Variants in SETDB1 observed in about 807,000 individuals in gnomAD.
The protein encoded by SETDB1 is histone-lysine N-methyltransferase SETDB1.
In SETDB1, 31 loss-of-function variants were observed where a neutral mutation model predicts 137.4. That is an observed-to-expected ratio of 0.23 (90% CI 0.17 to 0.30). The LOEUF (loss-of-function observed/expected upper bound fraction) is 0.30, where lower values mean the gene tolerates loss of function less well. SETDB1 is among the 10% of genes least tolerant of loss of function. The pLI is 1.00. For synonymous variants in SETDB1, 548 were observed against 579.9 expected (o/e 0.95, Z 0.79); for missense variants, 1,113 against 1,631.5 (o/e 0.68, Z 5.47).
At chr1:150,962,478 A>AGTGCCTGTCTTTTTGACCT in intron 17 of SETDB1, 109 bp from the exon 18 acceptor site, 1 of 1,056,724 alleles carries the variant, frequency 9.5e-7, no homozygotes, top group South Asian at 1.4e-5. Flanking sequence ...TGTCCAGCCC[A>AGTGCCTGTCTTTTTGACCT]GTGCCTGTCT....
intron 19 of SETDB1, 191 bp from the exon 20 acceptor site, chr1:150,963,339 T>C: frequency 1.4e-6 from 1 of 724,480 alleles, no homozygotes; most frequent in South Asian, 1.9e-5. Context: ...CTCTTTCCCC[T>C]CAGCTCCTTT....
intron 3 of SETDB1, among the ~76,000 whole-genome samples, chr1:150,936,783 A>G (rs1451760805): frequency 2.0e-5 from 3 of 152,088 alleles, no homozygotes; most frequent in Admixed American, 6.6e-5. Context: ...CCTCCCAAGT[A>G]GCTGAGACTA....
intron 14 of SETDB1, among the ~76,000 whole-genome samples, chr1:150,953,217 C>A (rs1410092035): frequency 6.6e-6 from 1 of 152,022 alleles, no homozygotes; most frequent in East Asian, 1.9e-4. Context: ...CATAGTAAGA[C>A]CCTGTGTCTA....
chr1:150,959,299 C>T lies in SETDB1; in HGVS notation c.2455C>T (p.Arg819Cys). 3.7e-6 allele frequency: 6 copies of T among 1,608,688 alleles called. No individual in the cohort carries two copies. Among genetic ancestry groups the T allele is most frequent in the Non-Finnish European group, 3.4e-6 (4 of 1,178,208 alleles). ...FKTQNKGWGIRCLDDIAKGSF... is the reference protein window; with the variant it reads ...FKTQNKGWGICCLDDIAKGSF... ...GACACAGAACAAGGGCTGGGGTATC[C>T]GCTGCTTGGATGACATTGCCAAAGG... The change falls in exon 15 of 22, where the codon CGC becomes TGC. Residue 819 changes from arginine (R) to cysteine (C), a missense_variant. Around this residue, in one of 11 missense-constraint regions of SETDB1, gnomAD observed 25 missense variants for 102.1 expected, o/e 0.24. Coordinates refer to ENST00000692827, the MANE Select transcript of SETDB1 (RefSeq NM_001366418.1).
rs1374886742 is a variant in SETDB1, at chr1:150,943,008, A to G, written c.830A>G (p.Tyr277Cys). The G allele has an allele frequency of 1.2e-6, 2 of 1,614,024 alleles. No homozygotes were observed. The highest frequency in any genetic ancestry group is 1.7e-6 in the Non-Finnish European group (2 of 1,180,022). The change falls in exon 7 of 22, where the codon TAT becomes TGT. Residue 277 changes from tyrosine (Y) to cysteine (C), a missense_variant. Around this residue, in one of 11 missense-constraint regions of SETDB1, gnomAD observed 154 missense variants for 303.1 expected, o/e 0.51. Coordinates refer to ENST00000692827, the MANE Select transcript of SETDB1 (RefSeq NM_001366418.1). Reference sequence around the variant, plus strand: ...AAAGATGGGAATCAGGTCTGGCTCTATGCTGGCATTGTAGCTGAGACACCA... The same window carrying G: ...AAAGATGGGAATCAGGTCTGGCTCTGTGCTGGCATTGTAGCTGAGACACCA... ...KYKDGNQVWL[Y>C]AGIVAETPNV...
At position 150,964,275 on chromosome 1, in the gene SETDB1, T is replaced by G. The variant is rs1558029415; in HGVS notation, c.3790T>G (p.Trp1264Gly). 6.2e-7 allele frequency: 1 copy of G among 1,614,136 alleles called. No homozygotes were observed. The highest frequency in any genetic ancestry group is 8.5e-7 in the Non-Finnish European group (1 of 1,179,992). Residue 1264 changes from tryptophan to glycine, a missense_variant, in exon 22 of 22, where the codon TGG becomes GGG. Coordinates refer to ENST00000692827, the MANE Select transcript of SETDB1 (RefSeq NM_001366418.1). The part of the protein sequence containing the change: ...KRIRAGTELT[W>G]DYNYEVGSVE... ...AATCCGGGCTGGGACAGAACTTACT[T>G]GGGACTACAACTACGAGGTGGGCAG...
At chr1:150,962,253 CCCCCT>C (rs1670845959) in intron 17 of SETDB1, 95 bp downstream of exon 17, 5 of 1,107,410 alleles carry the variant, frequency 4.5e-6, no homozygotes, top group Non-Finnish European at 6.9e-6. Flanking sequence ...ATTGCAACCT[CCCCCT>C]CCCAGGCTCA....
At chr1:150,936,210 C>T (rs1669941636) in intron 3 of SETDB1, among the ~76,000 whole-genome samples, 2 of 152,068 alleles carry the variant, frequency 1.3e-5, no homozygotes, top group South Asian at 2.1e-4. Flanking sequence ...AGGATGGTCT[C>T]GATCTCCTGA....
intron 3 of SETDB1, among the ~76,000 whole-genome samples, chr1:150,934,479 T>A (rs910220891): frequency 1.3e-4 from 19 of 151,722 alleles, no homozygotes; most frequent in African/African-American, 2.4e-4. Flanking sequence ...TCTCAAAAAA[T>A]ATATATATAT....
chr1:150,941,331 C>A lies in SETDB1; in HGVS notation c.450C>A (p.Leu150=). The change falls in exon 5 of 22, where the codon CTC becomes CTA. Residue 150 remains leucine (L), a splice_region_variant and synonymous_variant. Transcript: ENST00000692827. ...AGSRTPKDQK[L]REAMAALRKS... ...TTTCCTCATCCCCTTTTCTACAGCT[C>A]CGTGAAGCTATGGCTGCCTTAAGAA... 6.2e-7 allele frequency: 1 copy of A among 1,605,744 alleles called. No homozygotes were observed. The highest frequency in any genetic ancestry group is 8.5e-7 in the Non-Finnish European group (1 of 1,172,658).
rs763412904 is a variant in SETDB1, at chr1:150,945,157, A to T, written c.1140+49A>T. On this transcript the variant is annotated intron_variant, in intron 9 of 21. Transcript: ENST00000692827. ...GGAGGCAGAGGTTGGTGGGGGGGGA[A>T]CTTAAGAAGCAGTAATGAGGATGGT... is the stretch of plus-strand genomic sequence containing the variant. 16 of 1,609,928 alleles carry T rather than the reference A, an allele frequency of 9.9e-6. No homozygotes were observed. The East Asian group carries it at 1.3e-4, about 13-fold the overall frequency.
At chr1:150,942,138 T>C (rs1571638357) in intron 5 of SETDB1, among the ~76,000 whole-genome samples, 4 of 112,694 alleles carry the variant, frequency 3.5e-5, no homozygotes, top group East Asian at 4.8e-4. Flanking sequence ...AGACTCCATC[T>C]CAAAAAAAAA....
intron 14 of SETDB1, among the ~76,000 whole-genome samples, chr1:150,956,115 C>T (rs1306051140): frequency 1.3e-5 from 2 of 148,852 alleles, no homozygotes; most frequent in African/African-American, 2.5e-5. Flanking sequence ...AAGCCAAGCG[C>T]AGTGGCTCAC....
At position 150,930,138 on chromosome 1, in the gene SETDB1, TAGG is replaced by T; in HGVS notation, c.412+23_412+25del. 2 of 1,603,178 alleles carry T rather than the reference TAGG, an allele frequency of 1.2e-6. No individual in the cohort carries two copies. The highest frequency in any genetic ancestry group is 1.7e-6 in the Non-Finnish European group (2 of 1,172,910). ...ATTCAGGTAAGGGATGAGCTTTGGA[TAGG>T]AGAGTCTCAGGACTGAAGTTGAAAC... On this transcript the variant is annotated intron_variant, in intron 3 of 21. Transcript: ENST00000692827.
intron 9 of SETDB1, among the ~76,000 whole-genome samples, chr1:150,945,891 C>T (rs185175573): frequency 2.6e-5 from 4 of 152,162 alleles, no homozygotes; most frequent in East Asian, 1.9e-4. Flanking sequence ...TTAGTAGAGA[C>T]GGGGTTTCAC....
chr1:150,944,868 T>C, intron 8 of SETDB1, 50 bp from the exon 9 acceptor site: 3 of 1,599,008 alleles, frequency 1.9e-6, no homozygotes, highest in Non-Finnish European at 2.6e-6. Context: ...CTTTTCCCTA[T>C]CAAGACATGC....
At chr1:150,957,579 T>C (rs1264539057) in intron 14 of SETDB1, among the ~76,000 whole-genome samples, 3 of 152,166 alleles carry the variant, frequency 2.0e-5, no homozygotes, top group Admixed American at 2.0e-4. Context: ...ACTGGGCAAA[T>C]AGAGCAAAAA....
intron 5 of SETDB1, among the ~76,000 whole-genome samples, 174 bp from the exon 6 acceptor site, chr1:150,942,389 A>T (rs1670191963): frequency 6.6e-6 from 1 of 150,846 alleles, no homozygotes; most frequent in African/African-American, 2.4e-5. Context: ...CGGAGGTTCC[A>T]GTGAGCCAAG....
chr1:150,948,396 G>A (rs587731606), intron 10 of SETDB1, among the ~76,000 whole-genome samples: 3 of 149,056 alleles, frequency 2.0e-5, no homozygotes, highest in African/African-American at 7.4e-5. Flanking sequence ...TCAGCCTTCC[G>A]AGTAACTGGG....
Sources: gnomAD v4.1 joint callset for allele counts (sites outside exome capture counted in the v4.1 genomes callset) on GRCh38, gnomAD v4.1.1 for gene constraint, gnomAD v4.1.1 regional missense constraint, MANE v1.5 for transcripts, NCBI Gene and HGNC (gene_info 2026-07-23, HGNC 2026-07-21) for gene names.